Variants in NELL1 observed in about 807,000 individuals in gnomAD.
The protein encoded by NELL1 is protein kinase C-binding protein NELL1.
A neutral mutation model predicts 107.4 loss-of-function variants in NELL1; 76 were observed. That is an observed-to-expected ratio of 0.71 (90% CI 0.59 to 0.86). The LOEUF is 0.86. Among genes scored for constraint, NELL1 ranks in the 40% least tolerant of loss-of-function variants. The probability of loss-of-function intolerance (pLI) is 0.00; values close to 1 mark genes in which losing one functional copy is unlikely to be tolerated. For synonymous variants in NELL1, 353 were observed against 341.2 expected, an observed-to-expected ratio of 1.03 and a Z score of -0.38; for missense variants, 1,024 against 1,005.5, an observed-to-expected ratio of 1.02 and a Z score of -0.25.
intron 2 of NELL1, 34 bp from the exon 3 acceptor site, chr11:20,783,646 C>A (rs745517885): frequency 2.2e-5 from 35 of 1,557,612 alleles, no homozygotes; most frequent in Non-Finnish European, 3.1e-5. Flanking sequence ...CTTCTCCTCT[C>A]CTGTTTCCTC....
chr11:20,904,177 G>A (rs1025557941), intron 5 of NELL1, among the ~76,000 whole-genome samples: 2 of 151,664 alleles, frequency 1.3e-5, no homozygotes, highest in African/African-American at 4.9e-5. Context: ...CCTGCACAAT[G>A]TGCACATGTA....
intron 13 of NELL1, among the ~76,000 whole-genome samples, chr11:21,193,619 T>C (rs1312861172): frequency 6.6e-6 from 1 of 151,870 alleles, no homozygotes; most frequent in East Asian, 1.9e-4. Context: ...AAAGTGGAAA[T>C]GCTTAGGGAA....
intron 14 of NELL1, among the ~76,000 whole-genome samples, chr11:21,262,329 C>T (rs966377211): frequency 2.0e-5 from 3 of 151,668 alleles, no homozygotes; most frequent in African/African-American, 7.3e-5. Context: ...GTGAGAGCCC[C>T]GTTCCTATGT....
intron 4 of NELL1, among the ~76,000 whole-genome samples, chr11:20,856,604 C>G (rs1255738713): frequency 6.6e-6 from 1 of 152,224 alleles, no homozygotes; most frequent in African/African-American, 2.4e-5. Context: ...ATATCCTCAG[C>G]AAAGCAGTTG....
chr11:21,073,691 G>A (rs923614293), intron 12 of NELL1, among the ~76,000 whole-genome samples: 3 of 152,090 alleles, frequency 2.0e-5, no homozygotes, highest in Admixed American at 2.0e-4. Context: ...GCTTCCTGGA[G>A]GAAGTAGCAT....
chr11:20,774,031 C>G (rs1330140045), intron 2 of NELL1, among the ~76,000 whole-genome samples: 1 of 112,430 alleles, frequency 8.9e-6, no homozygotes, highest in African/African-American at 3.4e-5. Flanking sequence ...TTTCCTCCCT[C>G]CCCTCCCCTC....
At chr11:21,537,333 C>T (rs1349002151) in intron 16 of NELL1, among the ~76,000 whole-genome samples, 1 of 152,054 alleles carries the variant, frequency 6.6e-6, no homozygotes, top group African/African-American at 2.4e-5. Context: ...TTGTTCCTGC[C>T]TGCTTCTTGG....
chr11:21,334,831 A>G (rs1158930414), intron 14 of NELL1, among the ~76,000 whole-genome samples: 1 of 151,960 alleles, frequency 6.6e-6, no homozygotes, highest in Non-Finnish European at 1.5e-5. Context: ...AATATGCTGT[A>G]TCTGCTGAGG....
At chr11:21,233,925 A>T (rs1450865522) in intron 14 of NELL1, among the ~76,000 whole-genome samples, 1 of 152,210 alleles carries the variant, frequency 6.6e-6, no homozygotes, top group African/African-American at 2.4e-5. Context: ...GTGAGTGTGA[A>T]TTCTGTGTCT....
rs1410368572 is a variant in NELL1, at chr11:21,482,846, T to G, written c.1646-51528T>G. Among the ~76,000 whole-genome samples the G allele has an allele frequency of 2.6e-5, 4 of 152,054 alleles. No individual in the cohort carries two copies. The East Asian group carries it at 7.7e-4, about 29-fold the overall frequency. On this transcript the variant is annotated intron_variant, in intron 15 of 19. Coordinates refer to ENST00000357134, the MANE Select transcript of NELL1 (RefSeq NM_006157.5). ...TTCCCCCCAAGGAACATGGTATTTG[T>G]AAATGATTAGCATTAAAATTGAAAC...
At chr11:21,000,972 C>G (rs1266141044) in intron 12 of NELL1, 1 of 152,120 alleles carries the variant, frequency 6.6e-6, no homozygotes, top group Non-Finnish European at 1.5e-5. Context: ...ATGATACTCC[C>G]CCATTCCAAA....
chr11:21,553,545 T>C (rs1039744272), intron 16 of NELL1, among the ~76,000 whole-genome samples: 3 of 151,862 alleles, frequency 2.0e-5, no homozygotes, highest in Non-Finnish European at 4.4e-5. Context: ...AAAGTAATCA[T>C]ATCAAATTGG....
At chr11:21,248,412 C>A (rs952733781) in intron 14 of NELL1, among the ~76,000 whole-genome samples, 14 of 151,552 alleles carry the variant, frequency 9.2e-5, no homozygotes, top group African/African-American at 3.4e-4. Flanking sequence ...AGAGGAAGTG[C>A]AGTATCTGAT....
chr11:21,171,070 C>G (rs1050928202), intron 13 of NELL1, among the ~76,000 whole-genome samples: 15 of 151,840 alleles, frequency 9.9e-5, no homozygotes, highest in African/African-American at 3.4e-4. Flanking sequence ...TGAATACGTA[C>G]ATATCCAGCC....
At chr11:21,276,463 C>G (rs183553182) in intron 14 of NELL1, among the ~76,000 whole-genome samples, 1 of 152,104 alleles carries the variant, frequency 6.6e-6, no homozygotes, top group East Asian at 1.9e-4. Flanking sequence ...GTGAAAATGG[C>G]CATACTGCCC....
intron 4 of NELL1, among the ~76,000 whole-genome samples, chr11:20,864,182 A>AC (rs1191416226): frequency 3.5e-4 from 54 of 152,304 alleles, no homozygotes; most frequent in Non-Finnish European, 5.4e-4. Context: ...CAATTAAAAA[A>AC]ATTTTTTAAA....
At chr11:21,007,902 G>GC (rs1203055601) in intron 12 of NELL1, among the ~76,000 whole-genome samples, 1 of 152,098 alleles carries the variant, frequency 6.6e-6, no homozygotes, top group East Asian at 1.9e-4. Flanking sequence ...ATCCACATTT[G>GC]TTAATTTGCA....
intron 14 of NELL1, among the ~76,000 whole-genome samples, chr11:21,303,104 A>ATATCTATATC (rs1554997696): frequency 6.6e-6 from 1 of 151,080 alleles, no homozygotes; most frequent in East Asian, 1.9e-4. Context: ...ATCTATATCT[A>ATATCTATATC]TATCTATATC....
At chr11:21,065,746 C>T (rs1002139091) in intron 12 of NELL1, among the ~76,000 whole-genome samples, 2 of 152,090 alleles carry the variant, frequency 1.3e-5, no homozygotes, top group African/African-American at 4.8e-5. Context: ...AATGAATATG[C>T]AAAGAAATGT....
Sources: gnomAD v4.1 joint callset for allele counts (sites outside exome capture counted in the v4.1 genomes callset) on GRCh38, gnomAD v4.1.1 for gene constraint, MANE v1.5 for transcripts, NCBI Gene and HGNC (gene_info 2026-07-23, HGNC 2026-07-21) for gene names.